Variants in KDM4B observed in about 807,000 individuals in gnomAD.
KDM4B encodes the protein lysine demethylase 4B.
Under a neutral mutation model 125.2 loss-of-function variants are expected in KDM4B, and 32 were observed. That is an observed-to-expected ratio of 0.26 (90% CI 0.19 to 0.34). The LOEUF (loss-of-function observed/expected upper bound fraction) is 0.34, where lower values mean the gene tolerates loss of function less well. Ranked by LOEUF, KDM4B falls within the 10% of genes least tolerant of loss-of-function variation. The probability of loss-of-function intolerance (pLI) is 1.00; values close to 1 mark genes in which losing one functional copy is unlikely to be tolerated. For synonymous variants in KDM4B, 721 were observed against 677.9 expected, an observed-to-expected ratio of 1.06 and a Z score of -0.99; for missense variants, 1,190 against 1,577.7, an observed-to-expected ratio of 0.75 and a Z score of 4.16.
intron 6 of KDM4B, among the ~76,000 whole-genome samples, chr19:5,054,462 ATGTG>A (rs3070257): frequency 0.46 from 68,693 of 150,340 alleles, 16,650 homozygotes; most frequent in Middle Eastern, 0.58. Context: ...GAGAGAGAGA[ATGTG>A]TGTGTGTGTG....
At position 5,095,782 on chromosome 19, in the gene KDM4B, C is replaced by G. The variant is rs553626623; in HGVS notation, c.918+13278C>G. Reference sequence around the variant, plus strand: ...GGGAGAGGGCCCGGAGCAGCCAGGTCGGACTCCTCAACCTGGGGACCCTCC... The same window carrying G: ...GGGAGAGGGCCCGGAGCAGCCAGGTGGGACTCCTCAACCTGGGGACCCTCC... On this transcript the variant is annotated intron_variant, in intron 9 of 22. Transcript: ENST00000159111. Among the ~76,000 whole-genome samples the G allele has an allele frequency of 1.2e-3, 181 of 152,292 alleles. 1 individual carries two copies. Among genetic ancestry groups the G allele is most frequent in the South Asian group, 7.2e-3 (35 of 4,830 alleles).
rs1209863901 is a variant in KDM4B at position 5,141,523 on chromosome 19, A to G, written c.2551-2444A>G. 1 of 152,182 alleles carries G rather than the reference A, an allele frequency of 6.6e-6. No individual in the cohort carries two copies. The highest frequency in any genetic ancestry group is 1.5e-5 in the Non-Finnish European group (1 of 68,030). The allele number at this position is 152,182 out of a possible 1,614,324, so 9.4% of individuals were successfully genotyped here. A position where few individuals can be genotyped will look rare whatever the true frequency, so the allele number is the denominator to read the frequency against. On this transcript the variant is annotated intron_variant, in intron 18 of 22. Transcript: ENST00000159111. The surrounding 1 kb of genome is among the most constrained non-coding windows in gnomAD (Gnocchi z 6.4). The stretch of plus-strand genomic sequence containing the variant: ...ACACGAGGCCCGCTTGTACTGCTTA[A>G]TGGGGCTTTGCAAGGAGGCGGCGGT...
chr19:5,020,131 TGGTGTGG>T (rs2036061596), intron 2 of KDM4B, among the ~76,000 whole-genome samples: 1 of 102,636 alleles, frequency 9.7e-6, no homozygotes, highest in East Asian at 2.4e-4. Flanking sequence ...GTGCAGGTGT[TGGTGTGG>T]ATGTTGGTGT....
chr19:5,145,813 C>T (rs994741784), intron 21 of KDM4B, among the ~76,000 whole-genome samples: 3 of 152,172 alleles, frequency 2.0e-5, no homozygotes, highest in African/African-American at 4.8e-5. Context: ...CCTCGGGTCA[C>T]GCGGCGGGTC....
chr19:4,971,919 C>T lies in KDM4B; in HGVS notation c.-109+2689C>T, dbSNP rs191683729. On this transcript the variant is annotated intron_variant, in intron 1 of 22. Coordinates refer to ENST00000159111, the MANE Select transcript of KDM4B (RefSeq NM_015015.3). This position sits in a 1 kb window ranked among gnomAD's most constrained non-coding sequence, Gnocchi z 4.1. ...TCGGAGCCCACTGGGCAGGAGGGGA[C>T]GGAGAGCAGATGAACAGGGTGGGGG... is the stretch of plus-strand genomic sequence containing the variant. 1.4e-4 allele frequency among the ~76,000 whole-genome samples: 16 copies of T among 115,486 alleles called. No individual in the cohort carries two copies. In the South Asian group the frequency reaches 1.9e-3, roughly 14 times the overall value. The allele number at this position is 115,486 out of a possible 152,430, so 75.8% of individuals were successfully genotyped here.
intron 9 of KDM4B, among the ~76,000 whole-genome samples, chr19:5,101,627 C>G (rs1029356176): frequency 2.2e-4 from 33 of 151,038 alleles, no homozygotes; most frequent in African/African-American, 6.8e-4. Context: ...GAGGGCCTCA[C>G]TCGGTGCTTT....
chr19:5,094,954 G>A (rs971866001), intron 9 of KDM4B, among the ~76,000 whole-genome samples: 1 of 152,274 alleles, frequency 6.6e-6, no homozygotes, highest in South Asian at 2.1e-4. Flanking sequence ...CAGCTGATGC[G>A]TCCTGTGGAG....
At position 4,971,079 on chromosome 19, in the gene KDM4B, G is replaced by A. The variant is rs988908564; in HGVS notation, c.-109+1849G>A. ...TGTCAGGAGCTGCGGGTGCCTGCGT[G>A]TGCACGTGTGTGTTTAGTTGCTGAG... On this transcript the variant is annotated intron_variant, in intron 1 of 22. Coordinates refer to ENST00000159111, the MANE Select transcript of KDM4B (RefSeq NM_015015.3). The surrounding 1 kb of genome is among the most constrained non-coding windows in gnomAD (Gnocchi z 4.1). Among the ~76,000 whole-genome samples, 4 of 152,328 alleles carry A rather than the reference G, an allele frequency of 2.6e-5. No individual in the cohort carries two copies. Among genetic ancestry groups the A allele is most frequent in the Admixed American group, 1.3e-4 (2 of 15,304 alleles).
At chr19:5,109,982 G>C (rs951423713) in intron 9 of KDM4B, among the ~76,000 whole-genome samples, 2 of 152,220 alleles carry the variant, frequency 1.3e-5, no homozygotes, top group South Asian at 2.1e-4. Flanking sequence ...CCAACAGGAG[G>C]CATCTGAACC....
intron 10 of KDM4B, chr19:5,111,400 A>G (rs1417137715): frequency 1.3e-5 from 10 of 765,164 alleles, no homozygotes; most frequent in Non-Finnish European, 2.2e-5. Context: ...ATCGCCGCAC[A>G]GACCCTCCCA....
intron 11 of KDM4B, among the ~76,000 whole-genome samples, chr19:5,126,656 G>GCCC: frequency 6.6e-6 from 1 of 152,258 alleles, no homozygotes; most frequent in South Asian, 2.1e-4. Flanking sequence ...TGCCATGTCT[G>GCCC]GAGGGCGGCC....
chr19:5,058,524 C>A (rs571204357), intron 6 of KDM4B, among the ~76,000 whole-genome samples: 1 of 152,258 alleles, frequency 6.6e-6, no homozygotes, highest in Admixed American at 6.5e-5. Flanking sequence ...TGGCCATGTT[C>A]CAGGAGGATG....
In KDM4B at chr19:5,131,135, T is replaced by C. The variant is rs776441464; in HGVS notation, c.1375T>C (p.Phe459Leu). 4.9e-5 allele frequency: 75 copies of C among 1,539,366 alleles called. No individual in the cohort carries two copies. Among genetic ancestry groups the C allele is most frequent in the Non-Finnish European group, 5.9e-5 (68 of 1,143,064 alleles). ...CAAGAGCGAGCGGAAGAAGAAGAGC[T>C]TCGGCCTGCTGCCCCCACAGCTGCC... is the stretch of plus-strand genomic sequence containing the variant. Reference protein sequence around the residue: ...KAKSERKKKSFGLLPPQLPPP... With the variant: ...KAKSERKKKSLGLLPPQLPPP... Residue 459 changes from phenylalanine (F) to leucine (L), a missense_variant, in exon 12 of 23, where the codon TTC (phenylalanine) becomes CTC (leucine). Phe to Leu is a conservative substitution (Grantham distance 22). Transcript: ENST00000159111.
chr19:4,994,206 G>T (rs1035164602), intron 1 of KDM4B, among the ~76,000 whole-genome samples: 2 of 151,374 alleles, frequency 1.3e-5, no homozygotes, highest in African/African-American at 4.9e-5. Context: ...TAGGCCTCCC[G>T]AAGTGTTGGG....
intron 2 of KDM4B, among the ~76,000 whole-genome samples, chr19:5,028,939 G>A (rs764194038): frequency 6.6e-5 from 10 of 152,134 alleles, no homozygotes; most frequent in Non-Finnish European, 1.2e-4. Context: ...TTTCGCTCCT[G>A]TAGCCCAGGC....
intron 21 of KDM4B, among the ~76,000 whole-genome samples, 162 bp downstream of exon 21, chr19:5,145,064 C>T (rs958058723): frequency 5.3e-5 from 8 of 152,206 alleles, no homozygotes; most frequent in Non-Finnish European, 8.8e-5. Context: ...AGCCTTGGCT[C>T]GCCTGCCTAA....
In KDM4B at chr19:5,059,278, C is replaced by T. The variant is rs76593368; in HGVS notation, c.626+11609C>T. Among the ~76,000 whole-genome samples the T allele has an allele frequency of 8.5e-3, 1,296 of 152,348 alleles. 28 individuals carry two copies. Among genetic ancestry groups the T allele is most frequent in the African/African-American group, 0.029 (1,198 of 41,588 alleles). Reference sequence around the variant, plus strand: ...AAATTGGGCAGCGCATGGCTTCCTCCCCTCCACACTCGCCAGCAGCAGGGG... The same window carrying T: ...AAATTGGGCAGCGCATGGCTTCCTCTCCTCCACACTCGCCAGCAGCAGGGG... On this transcript the variant is annotated intron_variant, in intron 6 of 22. Coordinates refer to ENST00000159111, the MANE Select transcript of KDM4B (RefSeq NM_015015.3).
At chr19:5,012,089 G>A (rs2035746611) in intron 1 of KDM4B, among the ~76,000 whole-genome samples, 2 of 152,162 alleles carry the variant, frequency 1.3e-5, no homozygotes, top group South Asian at 2.1e-4. Context: ...GTCATGCTGC[G>A]GTGGGCTCCC....
intron 1 of KDM4B, among the ~76,000 whole-genome samples, chr19:4,988,829 G>T (rs183403530): frequency 2.2e-4 from 34 of 152,244 alleles, no homozygotes; most frequent in African/African-American, 8.2e-4. Context: ...CAGCTTCCTC[G>T]CAGAGGCTTG....
Sources: allele counts gnomAD v4.1 joint callset (sites outside exome capture counted in the v4.1 genomes callset), GRCh38; gene constraint gnomAD v4.1.1; non-coding constraint Gnocchi (gnomAD v3.1); transcripts MANE v1.5; gene names NCBI Gene and HGNC (gene_info 2026-07-23, HGNC 2026-07-21).